SLC44A2: variants seen among roughly 807,000 people sequenced by gnomAD.
SLC44A2 encodes the protein choline transporter-like protein 2.
In SLC44A2, 57 loss-of-function variants were observed where a neutral mutation model predicts 90.8. The observed-to-expected ratio is 0.63, with a 90% CI of 0.51 to 0.78. The LOEUF (loss-of-function observed/expected upper bound fraction) is 0.78. Among genes scored for constraint, SLC44A2 ranks in the 30% least tolerant of loss-of-function variants. The probability of loss-of-function intolerance (pLI) is 0.00; values close to 1 mark genes in which losing one functional copy is unlikely to be tolerated. For missense variants in SLC44A2, 794 were observed against 919.7 expected, an observed-to-expected ratio of 0.86 and a Z score of 1.77; for synonymous variants, 355 against 360.7, an observed-to-expected ratio of 0.98 and a Z score of 0.18.
chr19:10,638,080 C>A lies in SLC44A2; in HGVS notation c.1827C>A (p.Ile609=). ...TCTTCCTGTTGGGCAAACTTCTGAT[C>A]GTTGGTAGTGTGGGTGAGTGCCGCC... The part of the protein sequence containing the change: ...DFLFLLGKLL[I]VGSVGILAFF... Residue 609 remains isoleucine, a synonymous_variant, in exon 19 of 22, where the codon ATC becomes ATA. Coordinates refer to ENST00000335757, the MANE Select transcript of SLC44A2 (RefSeq NM_020428.4). 13 of 1,613,854 alleles carry A rather than the reference C, an allele frequency of 8.1e-6. No homozygotes were observed. Among genetic ancestry groups the A allele is most frequent in the Non-Finnish European group, 1.1e-5 (13 of 1,179,954 alleles).
chr19:10,628,198 A>G (rs2066955398), intron 4 of SLC44A2, among the ~76,000 whole-genome samples, 194 bp downstream of exon 4: 1 of 152,212 alleles, frequency 6.6e-6, no homozygotes, highest in African/African-American at 2.4e-5. Context: ...CAGCCTGGCC[A>G]ACATGGCAAA....
rs980819455 is a variant in SLC44A2, at chr19:10,642,593, G to A, written c.2014+142G>A. On this transcript the variant is annotated intron_variant, in intron 21 of 21. Coordinates refer to ENST00000335757, the MANE Select transcript of SLC44A2 (RefSeq NM_020428.4). ...GGCTGTCCCTCGTCCTGGGTCCCCAGCCTGTCTTCCTGGTTTCCTTTTGCG... is the reference window on the plus strand; with the variant it reads ...GGCTGTCCCTCGTCCTGGGTCCCCAACCTGTCTTCCTGGTTTCCTTTTGCG... 3.1e-5 allele frequency: 26 copies of A among 833,014 alleles called. No homozygotes were observed. In the Admixed American group the frequency reaches 4.0e-4, roughly 13 times the overall value. 51.6% of individuals were successfully genotyped at this position (833,014 alleles called of 1,614,324 possible). A position where few individuals can be genotyped will look rare whatever the true frequency, so the allele number is the denominator to read the frequency against.
At position 10,626,306 on chromosome 19, in the gene SLC44A2, G is replaced by C; in HGVS notation, c.86+5G>C. On this transcript the variant is annotated splice_donor_5th_base_variant and intron_variant, in intron 2 of 21. Coordinates refer to ENST00000335757, the MANE Select transcript of SLC44A2 (RefSeq NM_020428.4). ...CAAAGGACCCATTTACAATAGGTAA[G>C]AGCTCTGGGTTTTGGGGGGTTCTCC... 1 of 1,609,148 alleles carries C rather than the reference G, an allele frequency of 6.2e-7. No homozygotes were observed. The highest frequency in any genetic ancestry group is 8.5e-7 in the Non-Finnish European group (1 of 1,175,474).
chr19:10,632,682 T>C (rs929827640), intron 10 of SLC44A2, among the ~76,000 whole-genome samples: 24 of 151,976 alleles, frequency 1.6e-4, no homozygotes, highest in Non-Finnish European at 2.9e-4. Flanking sequence ...TCTTTCTTTT[T>C]TTTTTTTGAG....
intron 1 of SLC44A2, among the ~76,000 whole-genome samples, chr19:10,609,587 A>G (rs1480657694): frequency 6.6e-6 from 1 of 152,114 alleles, no homozygotes. Flanking sequence ...GGCAAGAGCC[A>G]CTGTGCCTGG....
intron 21 of SLC44A2, 46 bp from the exon 22 acceptor site, chr19:10,643,233 C>G (rs757886432): frequency 6.3e-7 from 1 of 1,577,150 alleles, no homozygotes; most frequent in Non-Finnish European, 8.6e-7. Context: ...AGGCCCCTGC[C>G]CGTGGGCTCC....
intron 10 of SLC44A2, among the ~76,000 whole-genome samples, chr19:10,632,713 C>T (rs890420975): frequency 6.6e-6 from 1 of 151,314 alleles, no homozygotes; most frequent in Admixed American, 6.6e-5. Flanking sequence ...GTTCTTGTCA[C>T]CCAGGCTGGA....
In SLC44A2 at chr19:10,634,946, C is replaced by G. The variant is rs763253106; in HGVS notation, c.956-28C>G. On this transcript the variant is annotated intron_variant, in intron 11 of 21. Transcript: ENST00000335757. Reference sequence around the variant, plus strand: ...GAGGCCTTGGAGGGAGTGGGGAGCCCAGCCGGCTCAGCCTTTGCCCTTTGC... The same window carrying G: ...GAGGCCTTGGAGGGAGTGGGGAGCCGAGCCGGCTCAGCCTTTGCCCTTTGC... The G allele has an allele frequency of 1.9e-6, 3 of 1,614,132 alleles. No homozygotes were observed. The Admixed American group carries it at 5.0e-5, about 27-fold the overall frequency.
intron 1 of SLC44A2, among the ~76,000 whole-genome samples, chr19:10,612,093 T>C (rs78249939): frequency 0.024 from 3,661 of 152,014 alleles, 149 homozygotes; most frequent in African/African-American, 0.084. Flanking sequence ...CTGAGCCGGG[T>C]GTGGTGGCTC....
intron 16 of SLC44A2, 121 bp downstream of exon 16, chr19:10,636,877 G>A (rs1005881814): frequency 3.9e-6 from 4 of 1,034,402 alleles, no homozygotes; most frequent in Non-Finnish European, 2.8e-6. Flanking sequence ...ATGGGTTTCT[G>A]TCTATGACGG....
Position 10,632,242 on chromosome 19 carries a change from CAAAA to C in SLC44A2, c.823+91_823+94del, listed in dbSNP as rs938837990. ...CCGTGGAAATGGCCCATCAGGAAAA[CAAAA>C]AAAAGTCAGGCCGGGCGTGGTGGCT... is the stretch of plus-strand genomic sequence containing the variant. On this transcript the variant is annotated intron_variant, in intron 10 of 21. Transcript: ENST00000335757. The C allele has an allele frequency of 5.4e-6, 7 of 1,298,094 alleles. No homozygotes were observed. In the Admixed American group the frequency reaches 5.7e-5, roughly 11 times the overall value. The allele number at this position is 1,298,094 out of a possible 1,614,324, so 80.4% of individuals were successfully genotyped here.
intron 1 of SLC44A2, among the ~76,000 whole-genome samples, chr19:10,611,417 A>T (rs1312209391): frequency 1.3e-5 from 2 of 152,062 alleles, no homozygotes; most frequent in African/African-American, 4.8e-5. Context: ...GCGCCACTGC[A>T]CTCCAGCCTG....
At chr19:10,637,050 G>A (rs1342877313) in intron 16 of SLC44A2, 3 of 361,272 alleles carry the variant, frequency 8.3e-6, no homozygotes, top group Non-Finnish European at 1.5e-5. Context: ...GCGCTGAAGA[G>A]AGCAGGAATA....
intron 20 of SLC44A2, chr19:10,640,946 G>A (rs2067108742): frequency 4.3e-6 from 1 of 232,536 alleles, no homozygotes; most frequent in Non-Finnish European, 8.8e-6. Flanking sequence ...AATTAGTCAG[G>A]TGTGCTGGTA....
At position 10,636,314 on chromosome 19, in the gene SLC44A2, C is replaced by T; in HGVS notation, c.1234-9C>T. ...CTTTTTGGACTCGGTTCTCCCTTCT[C>T]TCCCACAGACCTTCCCCTCCTCCAA... On this transcript the variant is annotated splice_polypyrimidine_tract_variant and intron_variant, in intron 14 of 21. Coordinates refer to ENST00000335757, the MANE Select transcript of SLC44A2 (RefSeq NM_020428.4). 1 of 1,605,838 alleles carries T rather than the reference C, an allele frequency of 6.2e-7. No homozygotes were observed. The highest frequency in any genetic ancestry group is 8.5e-7 in the Non-Finnish European group (1 of 1,174,784).
At chr19:10,625,026 C>G (rs188844773), upstream of SLC44A2, among the ~76,000 whole-genome samples, 6 of 152,068 alleles carry the variant, frequency 3.9e-5, no homozygotes, top group East Asian at 1.2e-3. Context: ...CCCAGCTACT[C>G]AGGAGGCTTA....
rs1469456194 is a variant in SLC44A2, at chr19:10,626,239, T to A, written c.38-14T>A. 6.2e-7 allele frequency: 1 copy of A among 1,610,662 alleles called. No homozygotes were observed. The highest frequency in any genetic ancestry group is 8.5e-7 in the Non-Finnish European group (1 of 1,176,874). The stretch of plus-strand genomic sequence containing the variant: ...GTCTCCAATCCCATCCATCTTAATC[T>A]TCTTGACTTTCAGGAACGCCACAGA... On this transcript the variant is annotated splice_polypyrimidine_tract_variant and intron_variant, in intron 1 of 21. Transcript: ENST00000335757.
chr19:10,608,181 C>T (rs1918168514), intron 1 of SLC44A2, among the ~76,000 whole-genome samples: 1 of 151,494 alleles, frequency 6.6e-6, no homozygotes, highest in African/African-American at 2.4e-5. Flanking sequence ...CGAGATCGCG[C>T]CACTGCACTC....
At chr19:10,618,544 A>G (rs1469730696) in intron 1 of SLC44A2, among the ~76,000 whole-genome samples, 13 of 104,066 alleles carry the variant, frequency 1.2e-4, no homozygotes, top group East Asian at 3.2e-4. Flanking sequence ...CAGTGGCGCC[A>G]TCTCGGCTCA....
Sources: gnomAD v4.1 joint callset for allele counts (sites outside exome capture counted in the v4.1 genomes callset) on GRCh38, gnomAD v4.1.1 for gene constraint, MANE v1.5 for transcripts, NCBI Gene and HGNC (gene_info 2026-07-23, HGNC 2026-07-21) for gene names.